ELMO1: variants seen among roughly 807,000 people sequenced by gnomAD.
ELMO1 encodes the protein engulfment and cell motility 1, also known as engulfment and cell motility protein 1.
In ELMO1, 26 loss-of-function variants were observed where a neutral mutation model predicts 98.9. The observed-to-expected ratio is 0.26, with a 90% CI of 0.19 to 0.36. The LOEUF (loss-of-function observed/expected upper bound fraction) is 0.36. Among genes scored for constraint, ELMO1 ranks in the 10% least tolerant of loss-of-function variants. ELMO1 has a pLI of 1.00. For missense variants in ELMO1, 627 were observed against 935.2 expected (o/e 0.67, Z 4.30); for synonymous variants, 346 against 346.0 (o/e 1.00, Z 0.00).
At chr7:37,114,085 C>T (rs185453925) in intron 14 of ELMO1, among the ~76,000 whole-genome samples, 2 of 152,338 alleles carry the variant, frequency 1.3e-5, no homozygotes, top group Admixed American at 1.3e-4. Context: ...ACTGCAGAGC[C>T]TTGAGAGCTG....
chr7:36,972,992 G>A (rs1367052711), intron 16 of ELMO1, among the ~76,000 whole-genome samples: 1 of 152,134 alleles, frequency 6.6e-6, no homozygotes, highest in African/African-American at 2.4e-5. Flanking sequence ...TGTTGACCAG[G>A]CTGGTCTCGA....
At chr7:37,424,404 C>T (rs529497753) in intron 1 of ELMO1, among the ~76,000 whole-genome samples, 1 of 152,224 alleles carries the variant, frequency 6.6e-6, no homozygotes, top group South Asian at 2.1e-4. Flanking sequence ...ATTCAGTATC[C>T]CACAGTAGGC....
At chr7:37,035,631 T>C (rs974094777) in intron 15 of ELMO1, among the ~76,000 whole-genome samples, 1 of 152,236 alleles carries the variant, frequency 6.6e-6, no homozygotes, top group South Asian at 2.1e-4. Context: ...CTTTTTCTTA[T>C]AATATCATGA....
intron 1 of ELMO1, among the ~76,000 whole-genome samples, chr7:37,373,649 A>ATTTTAATT (rs1802209871): frequency 6.6e-6 from 1 of 152,054 alleles, no homozygotes; most frequent in Non-Finnish European, 1.5e-5. Flanking sequence ...TTATGGTGCT[A>ATTTTAATT]TTTTAATTTT....
At chr7:37,243,710 T>C (rs1412461159) in intron 7 of ELMO1, among the ~76,000 whole-genome samples, 1 of 152,180 alleles carries the variant, frequency 6.6e-6, no homozygotes, top group Non-Finnish European at 1.5e-5. Flanking sequence ...ACTGAAATTA[T>C]CTGCTTAATG....
intron 19 of ELMO1, among the ~76,000 whole-genome samples, chr7:36,876,345 TC>T: frequency 6.6e-6 from 1 of 152,304 alleles, no homozygotes; most frequent in South Asian, 2.1e-4. Context: ...GAGGGTCCTT[TC>T]TTTTATGAAA....
At chr7:37,048,066 G>A (rs947227716) in intron 15 of ELMO1, among the ~76,000 whole-genome samples, 2 of 152,204 alleles carry the variant, frequency 1.3e-5, no homozygotes, top group African/African-American at 4.8e-5. Context: ...CAACAAAACA[G>A]TATTGATTTA....
chr7:36,943,323 G>A (rs949071790), intron 16 of ELMO1, among the ~76,000 whole-genome samples: 2 of 152,192 alleles, frequency 1.3e-5, no homozygotes, highest in Non-Finnish European at 2.9e-5. Context: ...GTAACACGGT[G>A]TTTATATAAA....
intron 15 of ELMO1, among the ~76,000 whole-genome samples, chr7:37,079,265 T>C (rs983123753): frequency 4.6e-5 from 7 of 152,250 alleles, no homozygotes; most frequent in African/African-American, 1.7e-4. Flanking sequence ...TCTGTATCAC[T>C]GTGAAGCAAA....
intron 13 of ELMO1, among the ~76,000 whole-genome samples, chr7:37,183,183 C>A (rs565245231): frequency 1.3e-5 from 2 of 150,308 alleles, no homozygotes; most frequent in East Asian, 1.9e-4. Flanking sequence ...AAGAGGAGGA[C>A]GATCTGGCAC....
Position 37,002,540 on chromosome 7 carries a change from G to A in ELMO1, c.1437+10759C>T, listed in dbSNP as rs577911244. ...TAATCAGTTTCACAAAGAGGGACTA[G>A]CCCATAAATTTCTAAGTAGAAACTT... is the stretch of plus-strand genomic sequence containing the variant. On this transcript the variant is annotated intron_variant, in intron 16 of 21. Transcript: ENST00000310758. Among the ~76,000 whole-genome samples, 43 of 152,324 alleles carry A rather than the reference G, an allele frequency of 2.8e-4. No homozygotes were observed. In the South Asian group the frequency reaches 6.6e-3, roughly 23 times the overall value.
chr7:37,314,630 G>A (rs1799058865), intron 4 of ELMO1, among the ~76,000 whole-genome samples: 1 of 152,182 alleles, frequency 6.6e-6, no homozygotes, highest in African/African-American at 2.4e-5. Context: ...AACTGCAGTT[G>A]CTAAACAAGA....
chr7:37,054,010 A>G (rs1796262772), intron 15 of ELMO1, among the ~76,000 whole-genome samples: 1 of 152,216 alleles, frequency 6.6e-6, no homozygotes, highest in Non-Finnish European at 1.5e-5. Context: ...GCATTCCTTT[A>G]TTCAGATTAT....
intron 16 of ELMO1, among the ~76,000 whole-genome samples, chr7:36,995,787 GT>G (rs1349413586): frequency 6.6e-6 from 1 of 152,080 alleles, no homozygotes; most frequent in Non-Finnish European, 1.5e-5. Flanking sequence ...GCACATCTTT[GT>G]TTTCCCCCCT....
Position 36,977,768 on chromosome 7 carries a change from T to C in ELMO1, c.1437+35531A>G, listed in dbSNP as rs372403421. Among the ~76,000 whole-genome samples, 6 of 152,362 alleles carry C rather than the reference T, an allele frequency of 3.9e-5. No homozygotes were observed. The South Asian group carries it at 1.2e-3, about 32-fold the overall frequency. On this transcript the variant is annotated intron_variant, in intron 16 of 21. Transcript: ENST00000310758. ...CTGTTGGACAATTTGTTTTCACCGA[T>C]TACTTTCAAGTAGTTTTCAAACAAC...
chr7:36,943,055 C>T lies in ELMO1; in HGVS notation c.1438-48038G>A, dbSNP rs373003721. 1.2e-4 allele frequency among the ~76,000 whole-genome samples: 19 copies of T among 152,290 alleles called. No individual in the cohort carries two copies. In the East Asian group the frequency reaches 3.5e-3, roughly 28 times the overall value. On this transcript the variant is annotated intron_variant, in intron 16 of 21. Coordinates refer to ENST00000310758, the MANE Select transcript of ELMO1 (RefSeq NM_014800.11). ...AGTTCAGTGTGACACAGACTACCTG[C>T]GGAACCTGGGTCCTACCTCAGAGGT...
intron 1 of ELMO1, among the ~76,000 whole-genome samples, chr7:37,394,999 G>A (rs898672816): frequency 1.3e-5 from 2 of 152,186 alleles, no homozygotes; most frequent in African/African-American, 4.8e-5. Context: ...ACCTCCTGCA[G>A]TAATTATCAT....
At chr7:37,238,598 A>G (rs1417386596) in intron 7 of ELMO1, among the ~76,000 whole-genome samples, 1 of 152,200 alleles carries the variant, frequency 6.6e-6, no homozygotes, top group Non-Finnish European at 1.5e-5. Flanking sequence ...GTTGAACAGA[A>G]CTGCAGAAAG....
At chr7:37,387,811 C>G (rs909837011) in intron 1 of ELMO1, among the ~76,000 whole-genome samples, 2 of 152,114 alleles carry the variant, frequency 1.3e-5, no homozygotes, top group East Asian at 1.9e-4. Flanking sequence ...CCTAGTGTCT[C>G]TCAAATTTAT....
Sources: allele counts gnomAD v4.1 joint callset (sites outside exome capture counted in the v4.1 genomes callset), GRCh38; gene constraint gnomAD v4.1.1; transcripts MANE v1.5; gene names NCBI Gene and HGNC (gene_info 2026-07-23, HGNC 2026-07-21).